CDH13: variants seen among roughly 807,000 people sequenced by gnomAD.
CDH13 encodes cadherin 13, also known as cadherin-13.
Under a neutral mutation model 63.8 loss-of-function variants are expected in CDH13, and 24 were observed. The observed-to-expected ratio is 0.38, with a 90% CI of 0.27 to 0.53. The LOEUF (loss-of-function observed/expected upper bound fraction) is 0.53. CDH13 is among the 20% of genes least tolerant of loss of function. The pLI is 0.85. For synonymous variants in CDH13, 503 were observed against 355.3 expected (o/e 1.42, Z -4.67); for missense variants, 1,049 against 903.1 (o/e 1.16, Z -2.07).
chr16:83,570,278 G>A (rs1225977794), intron 7 of CDH13, among the ~76,000 whole-genome samples: 1 of 152,116 alleles, frequency 6.6e-6, no homozygotes, highest in African/African-American at 2.4e-5. Context: ...ACCACCTTGA[G>A]GACTAGCAAA....
At chr16:83,779,787 G>A (rs899183511) in intron 11 of CDH13, among the ~76,000 whole-genome samples, 181 bp from the exon 12 acceptor site, 3 of 152,178 alleles carry the variant, frequency 2.0e-5, no homozygotes, top group Admixed American at 6.5e-5. Context: ...GAGCCCAGGA[G>A]GTTGTGGCTG....
At chr16:82,796,348 A>C (rs983986108) in intron 1 of CDH13, among the ~76,000 whole-genome samples, 2 of 152,172 alleles carry the variant, frequency 1.3e-5, no homozygotes, top group African/African-American at 2.4e-5. Context: ...TCTTCCATTT[A>C]GAACCACCTT....
chr16:83,302,082 C>G (rs565468253), intron 5 of CDH13, among the ~76,000 whole-genome samples: 1 of 152,140 alleles, frequency 6.6e-6, no homozygotes, highest in Non-Finnish European at 1.5e-5. Flanking sequence ...GTCCTTACCT[C>G]ATGTTGTTGT....
rs1298714689 is a variant in CDH13, at chr16:83,165,611, C to T, written c.483+40110C>T. 2.0e-5 allele frequency among the ~76,000 whole-genome samples: 3 copies of T among 151,908 alleles called. No homozygotes were observed. The East Asian group carries it at 5.8e-4, about 29-fold the overall frequency. The stretch of plus-strand genomic sequence containing the variant: ...GGGTACAGGGTAGGGATGATGAGAC[C>T]TGGAATTGATGACCTCAGCAGAGAA... On this transcript the variant is annotated intron_variant, in intron 4 of 13. Coordinates refer to ENST00000567109, the MANE Select transcript of CDH13 (RefSeq NM_001257.5).
At chr16:83,193,182 C>T (rs1051147193) in intron 4 of CDH13, among the ~76,000 whole-genome samples, 2 of 151,788 alleles carry the variant, frequency 1.3e-5, no homozygotes, top group Non-Finnish European at 2.9e-5. Context: ...GGGTATTAGC[C>T]GTGGCAGCTA....
chr16:83,369,647 A>G (rs1034529405), intron 6 of CDH13, among the ~76,000 whole-genome samples: 10 of 151,986 alleles, frequency 6.6e-5, no homozygotes, highest in Admixed American at 6.6e-4. Flanking sequence ...TTGGTCTCAC[A>G]TCCCTGGCCT....
chr16:83,676,203 G>A (rs765403769), intron 9 of CDH13, among the ~76,000 whole-genome samples: 9 of 152,196 alleles, frequency 5.9e-5, no homozygotes, highest in South Asian at 4.1e-4. Context: ...TCACTTGTCA[G>A]CAGATGGCTG....
At chr16:83,380,154 G>C (rs914368133) in intron 6 of CDH13, among the ~76,000 whole-genome samples, 2 of 152,022 alleles carry the variant, frequency 1.3e-5, no homozygotes, top group African/African-American at 4.8e-5. Context: ...TAAAAAGGTT[G>C]AAAGTCATAG....
At chr16:82,723,260 C>T (rs1029820676) in intron 1 of CDH13, among the ~76,000 whole-genome samples, 1 of 152,198 alleles carries the variant, frequency 6.6e-6, no homozygotes. Context: ...TCCTCCTTAT[C>T]CTTGTATTTC....
rs1915407128 is a variant in CDH13 at position 83,779,972 on chromosome 16, C to T, written c.1686C>T (p.Asn562=). ...CATCTTCCCTTTTTCCCACAGGCAA[C>T]CCTCCCGCTACGGGCACTGGGACTT... is the stretch of plus-strand genomic sequence containing the variant. The part of the protein sequence containing the change: ...TALFLAIDSG[N]PPATGTGTLL... The change falls in exon 12 of 14, where the codon AAC becomes AAT. Residue 562 remains asparagine, a synonymous_variant. Coordinates refer to ENST00000567109, the MANE Select transcript of CDH13 (RefSeq NM_001257.5). 6.2e-7 allele frequency: 1 copy of T among 1,605,584 alleles called. No homozygotes were observed. Among genetic ancestry groups the T allele is most frequent in the African/African-American group, 1.3e-5 (1 of 74,776 alleles).
intron 5 of CDH13, among the ~76,000 whole-genome samples, chr16:83,327,581 G>C (rs1003917043): frequency 6.6e-6 from 1 of 152,188 alleles, no homozygotes; most frequent in East Asian, 1.9e-4. Flanking sequence ...GTCGTTGAGA[G>C]CTTACCTTCT....
At chr16:83,476,683 A>C (rs890717004) in intron 6 of CDH13, among the ~76,000 whole-genome samples, 6 of 152,180 alleles carry the variant, frequency 3.9e-5, no homozygotes, top group Non-Finnish European at 5.9e-5. Context: ...TCTCAAAAAA[A>C]ACTCTTAAAT....
intron 3 of CDH13, among the ~76,000 whole-genome samples, chr16:83,113,867 G>A (rs897339109): frequency 1.3e-5 from 2 of 152,168 alleles, no homozygotes; most frequent in Non-Finnish European, 2.9e-5. Flanking sequence ...AGTGGTCATC[G>A]GGATCCAAGC....
intron 2 of CDH13, among the ~76,000 whole-genome samples, chr16:82,963,915 G>T (rs1229532377): frequency 6.6e-6 from 1 of 152,192 alleles, no homozygotes; most frequent in African/African-American, 2.4e-5. Flanking sequence ...CCCCCAGCCT[G>T]CTCTCACAGT....
At chr16:83,739,992 C>T (rs1250495338) in intron 10 of CDH13, 1 of 152,176 alleles carries the variant, frequency 6.6e-6, no homozygotes, top group African/African-American at 2.4e-5. Context: ...CTCTAGGGAA[C>T]ACAGAGGCCT....
intron 5 of CDH13, among the ~76,000 whole-genome samples, chr16:83,303,449 C>T (rs756901722): frequency 6.6e-6 from 1 of 152,058 alleles, no homozygotes; most frequent in Admixed American, 6.5e-5. Context: ...AGTGCTGAGA[C>T]AATGGTTAGT....
intron 3 of CDH13, among the ~76,000 whole-genome samples, chr16:83,049,814 C>G (rs1338640523): frequency 1.3e-5 from 2 of 152,038 alleles, no homozygotes; most frequent in African/African-American, 4.8e-5. Flanking sequence ...AACCTGTGTG[C>G]AAATGTATTT....
chr16:82,829,525 T>C (rs1267260380), intron 1 of CDH13: 2 of 151,992 alleles, frequency 1.3e-5, no homozygotes, highest in East Asian at 1.9e-4. Flanking sequence ...GGTGGAAAAG[T>C]GCAGTCGGAA....
chr16:83,712,161 GAGAT>G (rs1392444304), intron 10 of CDH13, among the ~76,000 whole-genome samples: 1 of 152,206 alleles, frequency 6.6e-6, no homozygotes, highest in African/African-American at 2.4e-5. Context: ...TGAGGTGCTG[GAGAT>G]TAGGACATCC....
Sources: gnomAD v4.1 joint callset for allele counts (sites outside exome capture counted in the v4.1 genomes callset) on GRCh38, gnomAD v4.1.1 for gene constraint, MANE v1.5 for transcripts, NCBI Gene and HGNC (gene_info 2026-07-23, HGNC 2026-07-21) for gene names.